CCDC18: variants seen among roughly 807,000 people sequenced by gnomAD.
CCDC18 encodes the protein coiled-coil domain-containing protein 18.
In CCDC18, 157 loss-of-function variants were observed where a neutral mutation model predicts 196.0. The ratio of observed to expected loss-of-function variants is 0.80; its 90% CI spans 0.70 to 0.91. The LOEUF is 0.91. Among genes scored for constraint, CCDC18 ranks in the 40% least tolerant of loss-of-function variants. The pLI is 0.00. For missense variants in CCDC18, 1,465 were observed against 1,611.6 expected (o/e 0.91, Z 1.56); for synonymous variants, 482 against 529.2 (o/e 0.91, Z 1.22).
intron 13 of CCDC18, 119 bp downstream of exon 13, chr1:93,216,865 A>G (rs1656557815): frequency 1.8e-6 from 1 of 554,442 alleles, no homozygotes. Flanking sequence ...ATTCTACTAA[A>G]CTCTTCTGAT....
intron 16 of CCDC18, among the ~76,000 whole-genome samples, chr1:93,223,865 G>A (rs1281838489): frequency 6.6e-6 from 1 of 150,916 alleles, no homozygotes; most frequent in Non-Finnish European, 1.5e-5. Context: ...GTTCAGCAGA[G>A]TGGTGTTTGT....
At chr1:93,250,347 CTCCAGCCT>C (rs1662062554) in intron 23 of CCDC18, among the ~76,000 whole-genome samples, 1 of 138,212 alleles carries the variant, frequency 7.2e-6, no homozygotes, top group Non-Finnish European at 1.5e-5. Flanking sequence ...TGCCACTGCA[CTCCAGCCT>C]GGGCATCAGA....
At position 93,270,531 on chromosome 1, in the gene CCDC18, C is replaced by T; in HGVS notation, c.4070C>T (p.Ala1357Val). The T allele has an allele frequency of 6.5e-7, 1 of 1,550,348 alleles. No individual in the cohort carries two copies. Among genetic ancestry groups the T allele is most frequent in the Non-Finnish European group, 8.7e-7 (1 of 1,146,872 alleles). The change falls in exon 28 of 29, where the codon GCC (alanine) becomes GTC (valine). Residue 1357 changes from alanine to valine, a missense_variant. Physicochemically the swap from Ala to Val is moderately conservative, Grantham distance 64 (BLOSUM62 0). Coordinates refer to ENST00000690025, the MANE Select transcript of CCDC18 (RefSeq NM_001378204.1). ...KCTKLRRSIS[A>V]SDLTFKIHGD... ...ACAAAATTACGTCGCTCTATTAGTG[C>T]CAGTGATCTTACTTTCAAAATTCAT...
chr1:93,260,815 AG>A (rs1663686284), intron 26 of CCDC18, among the ~76,000 whole-genome samples: 1 of 151,730 alleles, frequency 6.6e-6, no homozygotes, highest in South Asian at 2.1e-4. Flanking sequence ...TCCCCTCCCT[AG>A]GTCTATGTGT....
At chr1:93,242,156 G>A (rs1284849208) in intron 21 of CCDC18, among the ~76,000 whole-genome samples, 1 of 152,172 alleles carries the variant, frequency 6.6e-6, no homozygotes, top group African/African-American at 2.4e-5. Context: ...ATCATCAGAT[G>A]AATGGATAAA....
Position 93,216,669 on chromosome 1 carries a change from G to T in CCDC18, c.1753G>T (p.Glu585Ter). 6.3e-7 allele frequency: 1 copy of T among 1,579,548 alleles called. No homozygotes were observed. Among genetic ancestry groups the T allele is most frequent in the South Asian group, 1.2e-5 (1 of 84,968 alleles). The stretch of plus-strand genomic sequence containing the variant: ...GAAATGTTCTCAACTTTTAACTCTT[G>T]AGAAACAGCTGGAAGAAAAGATAGT... ...TKKCSQLLTL[E>*]KQLEEKIVAY... is the part of the protein sequence containing the mutation. Residue 585 changes from glutamate to a stop codon, truncating the protein, a stop_gained, in exon 13 of 29, where the codon GAG (glutamate) becomes TAG (stop). Coordinates refer to ENST00000690025, the MANE Select transcript of CCDC18 (RefSeq NM_001378204.1). LOFTEE classifies it high-confidence loss of function.
At chr1:93,253,873 A>C (rs682514) in intron 23 of CCDC18, among the ~76,000 whole-genome samples, 71,946 of 151,790 alleles carry the variant, frequency 0.47, 20,212 homozygotes, top group African/African-American at 0.79. Flanking sequence ...TCAAAATAAC[A>C]CTCCCACATC....
At position 93,270,514 on chromosome 1, in the gene CCDC18, A is replaced by G; in HGVS notation, c.4053A>G (p.Leu1351=). Residue 1351 remains leucine, a synonymous_variant, in exon 28 of 29, where the codon TTA becomes TTG. Coordinates refer to ENST00000690025, the MANE Select transcript of CCDC18 (RefSeq NM_001378204.1). The part of the protein sequence containing the change: ...FHTSFSKCTK[L]RRSISASDLT... ...CATCTTTTTCCAAGTGTACAAAATT[A>G]CGTCGCTCTATTAGTGCCAGTGATC... is the stretch of plus-strand genomic sequence containing the variant. 6.4e-7 allele frequency: 1 copy of G among 1,550,430 alleles called. No homozygotes were observed. The highest frequency in any genetic ancestry group is 8.7e-7 in the Non-Finnish European group (1 of 1,146,886).
intron 1 of CCDC18, among the ~76,000 whole-genome samples, chr1:93,181,369 G>T (rs1446707582): frequency 6.6e-6 from 1 of 151,968 alleles, no homozygotes; most frequent in Non-Finnish European, 1.5e-5. Context: ...CTTGTCCTTC[G>T]TTTGATGGGT....
intron 23 of CCDC18, 115 bp from the exon 24 acceptor site, chr1:93,254,356 A>G (rs1335093268): frequency 4.2e-6 from 3 of 714,810 alleles, no homozygotes; most frequent in Admixed American, 3.2e-5. Flanking sequence ...GCCTTAACCT[A>G]TTTATATTTT....
At chr1:93,212,932 C>A (rs1265489071) in intron 11 of CCDC18, among the ~76,000 whole-genome samples, 2 of 152,146 alleles carry the variant, frequency 1.3e-5, no homozygotes, top group African/African-American at 4.8e-5. Context: ...TGTTTTCCTG[C>A]AACTAGAAGG....
At chr1:93,191,208 T>G (rs762886197) in intron 4 of CCDC18, 2 of 402,528 alleles carry the variant, frequency 5.0e-6, no homozygotes, top group Non-Finnish European at 9.3e-6. Flanking sequence ...TTTATATTAA[T>G]TCCCTTGTTA....
chr1:93,227,909 G>T (rs889962147), intron 17 of CCDC18, among the ~76,000 whole-genome samples: 1 of 145,678 alleles, frequency 6.9e-6, no homozygotes, highest in Non-Finnish European at 1.5e-5. Context: ...AGTGAGCTGT[G>T]ATCACGCCAC....
At chr1:93,244,474 T>A (rs628714) in intron 21 of CCDC18, among the ~76,000 whole-genome samples, 43,615 of 152,146 alleles carry the variant, frequency 0.29, 9,465 homozygotes, top group African/African-American at 0.61. Flanking sequence ...CAGACACATG[T>A]TGCATAATTC....
intron 23 of CCDC18, among the ~76,000 whole-genome samples, chr1:93,251,581 A>G (rs1264624659): frequency 1.3e-5 from 2 of 151,990 alleles, no homozygotes; most frequent in East Asian, 1.9e-4. Context: ...TTTTTGTTCA[A>G]CACTGAGTAT....
chr1:93,180,658 G>A (rs1444919104), upstream of CCDC18: 1 of 1,321,956 alleles, frequency 7.6e-7, no homozygotes, highest in Admixed American at 2.3e-5. Context: ...CTTCGGCGGC[G>A]CCTCACGCAG....
intron 25 of CCDC18, 101 bp downstream of exon 25, chr1:93,256,639 G>A: frequency 1.1e-6 from 1 of 917,184 alleles, no homozygotes; most frequent in South Asian, 1.6e-5. Flanking sequence ...GAACTGTATT[G>A]CACAACAGTG....
chr1:93,254,978 A>T (rs1662754505), intron 24 of CCDC18, among the ~76,000 whole-genome samples: 1 of 88,900 alleles, frequency 1.1e-5, no homozygotes, highest in Non-Finnish European at 2.0e-5. Flanking sequence ...TTTGAGACTG[A>T]GTCTCTCTCT....
In CCDC18 at chr1:93,207,119, A is replaced by C; in HGVS notation, c.930A>C (p.Glu310Asp). Residue 310 changes from glutamate to aspartate, a missense_variant, in exon 9 of 29, where the codon GAA becomes GAC. Coordinates refer to ENST00000690025, the MANE Select transcript of CCDC18 (RefSeq NM_001378204.1). ...CTTTTCTTCATAGGCAGTTAAAAGA[A>C]GAAAATAACAACGGAAAAGAAAAAT... ...ILKEKLRQLK[E>D]ENNNGKEKLR... 1 of 1,493,754 alleles carries C rather than the reference A, an allele frequency of 6.7e-7. No homozygotes were observed. The highest frequency in any genetic ancestry group is 9.1e-7 in the Non-Finnish European group (1 of 1,102,112). The allele number at this position is 1,493,754 out of a possible 1,614,324, so 92.5% of individuals were successfully genotyped here.
Sources: gnomAD v4.1 joint callset for allele counts (sites outside exome capture counted in the v4.1 genomes callset) on GRCh38, gnomAD v4.1.1 for gene constraint, MANE v1.5 for transcripts, NCBI Gene and HGNC (gene_info 2026-07-23, HGNC 2026-07-21) for gene names.